Variants in MBIP observed in about 807,000 individuals in gnomAD.
The protein encoded by MBIP is MAP3K12-binding inhibitory protein 1.
MBIP carries 32 observed loss-of-function variants against 45.7 expected under a neutral mutation model. The observed-to-expected ratio is 0.70, with a 90% CI of 0.53 to 0.94. The LOEUF (loss-of-function observed/expected upper bound fraction) is 0.94, where lower values mean the gene tolerates loss of function less well. MBIP is among the 40% of genes least tolerant of loss of function. The probability of loss-of-function intolerance (pLI) is 0.00; values close to 1 mark genes in which losing one functional copy is unlikely to be tolerated. For synonymous variants in MBIP, 145 were observed against 141.0 expected, an observed-to-expected ratio of 1.03 and a Z score of -0.20; for missense variants, 381 against 405.5, an observed-to-expected ratio of 0.94 and a Z score of 0.52.
intron 6 of MBIP, among the ~76,000 whole-genome samples, chr14:36,309,230 TACC>T (rs370136143): frequency 3.3e-4 from 51 of 152,298 alleles, no homozygotes; most frequent in African/African-American, 1.2e-3. Context: ...ATACCAGTAC[TACC>T]ACTCCCCTAC....
chr14:36,311,899 C>T (rs1328509825), intron 5 of MBIP, 60 bp downstream of exon 5: 1 of 1,329,162 alleles, frequency 7.5e-7, no homozygotes, highest in Admixed American at 2.3e-5. Flanking sequence ...ATTTCTATTC[C>T]ATTTTGCTAA....
In MBIP at chr14:36,311,639, C is replaced by T. The variant is rs1418644746; in HGVS notation, c.724G>A (p.Asp242Asn). ...SGHKPNSMLR[D>N]CGNQAVEERL... ...TCTTCTACAGCCTGATTACCACAGT[C>T]TCGAAGCATGCTGTTAGGTTTATGA... The change falls in exon 6 of 9, where the codon GAC becomes AAC. Residue 242 changes from aspartate to asparagine, a missense_variant. Transcript: ENST00000416007. The T allele has an allele frequency of 1.2e-6, 2 of 1,613,528 alleles. No individual in the cohort carries two copies. Among genetic ancestry groups the T allele is most frequent in the Admixed American group, 3.3e-5 (2 of 59,978 alleles).
chr14:36,309,062 T>C (rs1355773822), intron 6 of MBIP, among the ~76,000 whole-genome samples: 2 of 152,156 alleles, frequency 1.3e-5, no homozygotes, highest in Admixed American at 1.3e-4. Context: ...GCCCACATGG[T>C]TCCAGCCACT....
chr14:36,314,632 T>C (rs1880443696), intron 3 of MBIP, 24 bp from the exon 4 acceptor site: 2 of 1,606,694 alleles, frequency 1.2e-6, no homozygotes, highest in Non-Finnish European at 8.5e-7. Flanking sequence ...GTTTTAACAG[T>C]GTAAACATAA....
chr14:36,315,008 G>A (rs1407723119), intron 2 of MBIP, 93 bp from the exon 3 acceptor site: 13 of 748,874 alleles, frequency 1.7e-5, no homozygotes, highest in Middle Eastern at 2.4e-4. Flanking sequence ...CTAAGTAAAT[G>A]AAATACTTAA....
intron 1 of MBIP, among the ~76,000 whole-genome samples, chr14:36,317,024 TGTC>T (rs1380163091): frequency 6.6e-6 from 1 of 152,162 alleles, no homozygotes; most frequent in African/African-American, 2.4e-5. Flanking sequence ...CAAAATGACA[TGTC>T]GTTCAAATTC....
At chr14:36,299,942 A>AT in intron 8 of MBIP, among the ~76,000 whole-genome samples, 1 of 152,182 alleles carries the variant, frequency 6.6e-6, no homozygotes, top group South Asian at 2.1e-4. Context: ...CTGAGTGCTA[A>AT]TAGATACAGG....
chr14:36,298,927 T>C lies in MBIP; in HGVS notation c.*156A>G, dbSNP rs1437169169. 7 of 482,342 alleles carry C rather than the reference T, an allele frequency of 1.5e-5. No homozygotes were observed. Among genetic ancestry groups the C allele is most frequent in the East Asian group, 9.7e-5 (3 of 30,830 alleles). The allele number at this position is 482,342 out of a possible 1,614,324, so 29.9% of individuals were successfully genotyped here. On this transcript the variant is annotated 3_prime_UTR_variant, in exon 9 of 9. Coordinates refer to ENST00000416007, the MANE Select transcript of MBIP (RefSeq NM_016586.3). The stretch of plus-strand genomic sequence containing the variant: ...ATTATTTCAAAACTTACTGGAATAT[T>C]TGAAGATTACTTGCTGCAAGCTGGA...
At chr14:36,317,337 C>T (rs1038458997) in intron 1 of MBIP, among the ~76,000 whole-genome samples, 5 of 152,016 alleles carry the variant, frequency 3.3e-5, no homozygotes, top group African/African-American at 7.3e-5. Context: ...AACTTTTAAC[C>T]GATTTTTAAA....
Position 36,311,675 on chromosome 14 carries a change from G to T in MBIP, c.688C>A (p.Pro230Thr). The change falls in exon 6 of 9, where the codon CCA becomes ACA. Residue 230 changes from proline (P) to threonine (T), a missense_variant. Coordinates refer to ENST00000416007, the MANE Select transcript of MBIP (RefSeq NM_016586.3). ...CTGTTAGGTTTATGACCTGACCCTG[G>T]AATTCCTTCAGGTCTAGTCTGTGGT... is the stretch of plus-strand genomic sequence containing the variant. ...YGPQTRPEGI[P>T]GSGHKPNSML... 1.9e-6 allele frequency: 3 copies of T among 1,613,118 alleles called. No homozygotes were observed. Among genetic ancestry groups the T allele is most frequent in the Non-Finnish European group, 2.5e-6 (3 of 1,179,326 alleles).
intron 7 of MBIP, chr14:36,305,047 T>G (rs1183973521): frequency 1.3e-5 from 2 of 152,246 alleles, no homozygotes. Flanking sequence ...TAGTTTCTTC[T>G]GTATACTTTT....
Position 36,316,764 on chromosome 14 carries a change from G to A in MBIP, c.178C>T (p.Leu60Phe). 1.2e-6 allele frequency: 2 copies of A among 1,612,820 alleles called. No individual in the cohort carries two copies. The highest frequency in any genetic ancestry group is 1.7e-6 in the Non-Finnish European group (2 of 1,179,222). ...VVKITIDWNKLQSLSAFQPAL... is the reference protein window; with the variant it reads ...VVKITIDWNKFQSLSAFQPAL... ...GGCTGGAATGCCGAGAGGCTCTGGA[G>A]CTTGTTCCAATCGATTGTAATTTTC... The change falls in exon 2 of 9, where the codon CTC (leucine) becomes TTC (phenylalanine). Residue 60 changes from leucine to phenylalanine, a missense_variant. Physicochemically the swap from Leu to Phe is conservative, Grantham distance 22. Transcript: ENST00000416007.
chr14:36,317,578 T>C (rs1038086498), intron 1 of MBIP, among the ~76,000 whole-genome samples: 2 of 152,126 alleles, frequency 1.3e-5, no homozygotes, highest in Non-Finnish European at 2.9e-5. Flanking sequence ...GGTGATCTAA[T>C]AGAATAAAAT....
chr14:36,317,506 T>C (rs8006989), intron 1 of MBIP, among the ~76,000 whole-genome samples: 5,639 of 152,164 alleles, frequency 0.037, 312 homozygotes, highest in African/African-American at 0.13. Flanking sequence ...CTGGATGAAA[T>C]GTCCAGATCT....
At chr14:36,300,859 T>C (rs1879503765) in intron 7 of MBIP, 36 bp from the exon 8 acceptor site, 1 of 1,273,968 alleles carries the variant, frequency 7.8e-7, no homozygotes, top group Non-Finnish European at 1.1e-6. Flanking sequence ...TTTAGAAAAA[T>C]CTAAGCATCA....
At chr14:36,311,798 C>T (rs1320316503) in intron 5 of MBIP, 73 bp from the exon 6 acceptor site, 1 of 1,351,470 alleles carries the variant, frequency 7.4e-7, no homozygotes, top group Non-Finnish European at 1.0e-6. Context: ...CTTAACAGCA[C>T]TTTATATTTT....
chr14:36,299,169 G>T lies in MBIP; in HGVS notation c.949C>A (p.Leu317Ile), dbSNP rs759035265. 2 of 1,613,476 alleles carry T rather than the reference G, an allele frequency of 1.2e-6. No homozygotes were observed. The highest frequency in any genetic ancestry group is 1.1e-5 in the South Asian group (1 of 91,054). The change falls in exon 9 of 9, where the codon CTT (leucine) becomes ATT (isoleucine). Residue 317 changes from leucine to isoleucine, a missense_variant. Transcript: ENST00000416007. ...PPQQNYSLAE[L>I]DEKISALKQA... The stretch of plus-strand genomic sequence containing the variant: ...TTGAGGGCACTAATTTTCTCATCAA[G>T]TTCAGCCAGTGAATAGTTCTGCTGT...
At position 36,308,161 on chromosome 14, in the gene MBIP, CT is replaced by C. The variant is rs1477944435; in HGVS notation, c.818del (p.Gln273ArgfsTer24). ...TGGPVPRDIYQRIKKLEDKIL... is the reference protein window; with the variant it reads ...TGGPVPRDIYXRIKKLEDKIL... Reference sequence around the variant, plus strand: ...TTTTATCCTCAAGTTTTTTAATTCTCTGATAAATGTCTCTTGGCACTGGACC... The same window carrying C: ...TTTTATCCTCAAGTTTTTTAATTCTCGATAAATGTCTCTTGGCACTGGACC... On this transcript the variant is annotated frameshift_variant, in exon 7 of 9. Transcript: ENST00000416007. LOFTEE classifies it high-confidence loss of function. 17 of 1,602,878 alleles carry C rather than the reference CT, an allele frequency of 1.1e-5. No homozygotes were observed. The highest frequency in any genetic ancestry group is 1.4e-5 in the Non-Finnish European group (16 of 1,172,320).
chr14:36,309,097 A>C (rs1163284742), intron 6 of MBIP, among the ~76,000 whole-genome samples: 1 of 152,168 alleles, frequency 6.6e-6, no homozygotes, highest in East Asian at 1.9e-4. Flanking sequence ...CTGTTATTCA[A>C]AGAGGCCAAG....
Sources: allele counts gnomAD v4.1 joint callset (sites outside exome capture counted in the v4.1 genomes callset), GRCh38; gene constraint gnomAD v4.1.1; transcripts MANE v1.5; gene names NCBI Gene and HGNC (gene_info 2026-07-23, HGNC 2026-07-21).